Variants in REPS2 observed in about 807,000 individuals in gnomAD.
The protein encoded by REPS2 is RALBP1 associated Eps domain containing 2, also known as ralBP1-associated Eps domain-containing protein 2.
In REPS2, 23 loss-of-function variants were observed where a neutral mutation model predicts 53.6. The ratio of observed to expected loss-of-function variants is 0.43; its 90% CI spans 0.31 to 0.61. The LOEUF (loss-of-function observed/expected upper bound fraction) is 0.61, where lower values mean the gene tolerates loss of function less well. REPS2 is among the 20% of genes least tolerant of loss of function. The pLI, the probability that REPS2 is intolerant of heterozygous loss-of-function variation, is 0.11. For missense variants in REPS2, 446 were observed against 534.9 expected, an observed-to-expected ratio of 0.83 and a Z score of 1.64; for synonymous variants, 238 against 218.6, an observed-to-expected ratio of 1.09 and a Z score of -0.78.
intron 8 of REPS2, among the ~76,000 whole-genome samples, chrX:17,062,140 AC>A (rs749681614): frequency 1.8e-4 from 20 of 112,297 alleles, no homozygotes; most frequent in Admixed American, 5.7e-4. Context: ...CAGAGCACAT[AC>A]CCTTCAGCCA....
intron 13 of REPS2, among the ~76,000 whole-genome samples, chrX:17,099,411 A>G (rs1183418152): frequency 9.0e-6 from 1 of 111,398 alleles, no homozygotes; most frequent in African/African-American, 3.3e-5. Context: ...AGTTAACACT[A>G]TTGGGAAGAA....
intron 13 of REPS2, among the ~76,000 whole-genome samples, chrX:17,081,292 G>A (rs2062452207): frequency 1.8e-5 from 2 of 111,420 alleles, no homozygotes; most frequent in Admixed American, 9.5e-5. Context: ...AAAATGAAAG[G>A]AAAATGAAGG....
intron 1 of REPS2, among the ~76,000 whole-genome samples, chrX:16,994,677 G>T (rs1247903266): frequency 9.0e-6 from 1 of 111,261 alleles, no homozygotes. Flanking sequence ...AGGGTGGGAG[G>T]TGAGGGATAA....
chrX:16,976,463 T>C (rs772615846), intron 1 of REPS2, among the ~76,000 whole-genome samples: 84 of 111,293 alleles, frequency 7.5e-4, no homozygotes, highest in African/African-American at 2.6e-3. Flanking sequence ...ACCAATTGGA[T>C]ATAGTCACTC....
At chrX:17,011,057 C>CTGTGTGTGTGTGTGTGTGTG (rs60541913) in intron 2 of REPS2, among the ~76,000 whole-genome samples, 3 of 102,507 alleles carry the variant, frequency 2.9e-5, no homozygotes, top group Non-Finnish European at 4.0e-5. Context: ...TTTGCTTAAA[C>CTGTGTGTGTGTGTGTGTGTG]TGTGTGTGTG....
At chrX:17,049,402 G>A (rs1434392458) in intron 6 of REPS2, among the ~76,000 whole-genome samples, 1 of 111,497 alleles carries the variant, frequency 9.0e-6, no homozygotes, top group East Asian at 2.8e-4. Flanking sequence ...GTTATTGATG[G>A]TCCTGACCTT....
chrX:17,133,002 C>T (rs1055868344), intron 14 of REPS2, among the ~76,000 whole-genome samples: 5 of 112,460 alleles, frequency 4.4e-5, no homozygotes, highest in Non-Finnish European at 9.4e-5. Context: ...ACCAGAAATA[C>T]ACAGTTATCA....
At position 17,008,227 on chromosome X, in the gene REPS2, G is replaced by T. The variant is rs537316588; in HGVS notation, c.397+1883G>T. ...TTTGGATTTGTGGTAGGCACTGATA[G>T]TTTTTATTCCATTGTAAATGATCAT... On this transcript the variant is annotated intron_variant, in intron 2 of 17. Transcript: ENST00000357277. Among the ~76,000 whole-genome samples the T allele has an allele frequency of 8.9e-5, 10 of 112,561 alleles. No individual in the cohort carries two copies. The South Asian group carries it at 2.5e-3, about 29-fold the overall frequency.
At chrX:17,009,584 A>G (rs1223531166) in intron 2 of REPS2, among the ~76,000 whole-genome samples, 3 of 109,920 alleles carry the variant, frequency 2.7e-5, no homozygotes, top group Non-Finnish European at 5.7e-5. Context: ...TGGCTAGTAT[A>G]TATGTCTTTT....
At chrX:16,980,521 G>A (rs1204199158) in intron 1 of REPS2, among the ~76,000 whole-genome samples, 1 of 110,561 alleles carries the variant, frequency 9.0e-6, no homozygotes, top group African/African-American at 3.3e-5. Context: ...CAGGATGGTC[G>A]CGATCTCTTG....
In REPS2 at chrX:16,988,855, C is replaced by T. The variant is rs1770602705; in HGVS notation, c.274-17366C>T. Among the ~76,000 whole-genome samples, 4 of 112,048 alleles carry T rather than the reference C, an allele frequency of 3.6e-5. No homozygotes were observed. The South Asian group carries it at 1.1e-3, about 31-fold the overall frequency. ...CATACCATGTTCCAGGATTGGAAGA[C>T]TCAACATAGTAAAGATATCATTTCT... On this transcript the variant is annotated intron_variant, in intron 1 of 17. Transcript: ENST00000357277.
chrX:16,948,920 A>G (rs1214200838), intron 1 of REPS2, among the ~76,000 whole-genome samples: 1 of 112,102 alleles, frequency 8.9e-6, no homozygotes, highest in African/African-American at 3.2e-5. Flanking sequence ...AAAGCAAAAC[A>G]CATCATCCAC....
intron 8 of REPS2, among the ~76,000 whole-genome samples, chrX:17,056,954 G>A (rs777401258): frequency 1.1e-3 from 128 of 111,828 alleles, no homozygotes; most frequent in South Asian, 0.011. Context: ...TAATTCCTTT[G>A]GGAGAGTAGA....
intron 14 of REPS2, among the ~76,000 whole-genome samples, chrX:17,104,957 G>A (rs2062854182): frequency 1.8e-5 from 2 of 111,322 alleles, no homozygotes; most frequent in Admixed American, 1.9e-4. Flanking sequence ...CAGGCATTGT[G>A]CTAAGTGCTT....
intron 14 of REPS2, among the ~76,000 whole-genome samples, chrX:17,131,603 C>A (rs746206523): frequency 1.8e-5 from 2 of 112,107 alleles, no homozygotes; most frequent in South Asian, 7.5e-4. Context: ...GGTTCATTCT[C>A]AGCACATGAA....
rs2060442958 is a variant in REPS2, at chrX:16,947,016, G to A, written c.155G>A (p.Gly52Asp). ...FARCAGAAGG[G>D]PGSGPPEAAR... ...CGCTGTGCCGGCGCCGCGGGCGGGG[G>A]CCCCGGGTCTGGGCCCCCCGAGGCC... The change falls in exon 1 of 18, where the codon GGC becomes GAC. Residue 52 changes from glycine (G) to aspartate (D), a missense_variant. Physicochemically the swap from Gly to Asp is moderately conservative, Grantham distance 94 (BLOSUM62 -1). Coordinates refer to ENST00000357277, the MANE Select transcript of REPS2 (RefSeq NM_004726.3). 2.1e-6 allele frequency: 2 copies of A among 947,732 alleles called. No individual in the cohort carries two copies. The highest frequency in any genetic ancestry group is 1.3e-6 in the Non-Finnish European group (1 of 765,698). The allele number at this position is 947,732 out of a possible 1,213,427, so 78.1% of individuals were successfully genotyped here.
At chrX:17,145,976 GCGGGCGCCTGTAGTCC>G in intron 17 of REPS2, among the ~76,000 whole-genome samples, 1 of 109,633 alleles carries the variant, frequency 9.1e-6, no homozygotes, top group South Asian at 4.0e-4. Context: ...GGGCGTGGTG[GCGGGCGCCTGTAGTCC>G]CAGCTACTTG....
chrX:17,033,302 C>G (rs959689887), intron 5 of REPS2, among the ~76,000 whole-genome samples: 1 of 111,419 alleles, frequency 9.0e-6, no homozygotes, highest in Admixed American at 9.6e-5. Flanking sequence ...TCATTTGTTT[C>G]AATCCTCCTT....
intron 2 of REPS2, among the ~76,000 whole-genome samples, chrX:17,009,190 G>A (rs989942002): frequency 1.8e-5 from 2 of 111,384 alleles, no homozygotes; most frequent in African/African-American, 6.5e-5. Flanking sequence ...ACAGAGACTC[G>A]CTCTGTCACC....
Sources: allele counts gnomAD v4.1 joint callset (sites outside exome capture counted in the v4.1 genomes callset), GRCh38; gene constraint gnomAD v4.1.1; transcripts MANE v1.5; gene names NCBI Gene and HGNC (gene_info 2026-07-23, HGNC 2026-07-21).